Variants in CASZ1 observed in about 807,000 individuals in gnomAD.
The protein encoded by CASZ1 is zinc finger protein castor homolog 1.
CASZ1 carries 28 observed loss-of-function variants against 135.2 expected under a neutral mutation model. The ratio of observed to expected loss-of-function variants is 0.21; its 90% CI spans 0.15 to 0.28. The LOEUF is 0.28. Among genes scored for constraint, CASZ1 ranks in the 10% least tolerant of loss-of-function variants. The pLI is 1.00. For missense variants in CASZ1, 2,161 were observed against 2,453.3 expected, an observed-to-expected ratio of 0.88 and a Z score of 2.52; for synonymous variants, 1,068 against 1,073.4, an observed-to-expected ratio of 0.99 and a Z score of 0.10.
chr1:10,758,025 C>G (rs924728188), intron 2 of CASZ1, among the ~76,000 whole-genome samples: 7 of 152,192 alleles, frequency 4.6e-5, no homozygotes, highest in Non-Finnish European at 8.8e-5. Context: ...GCTAGCTGTT[C>G]TTTCTTTCTA....
chr1:10,770,867 C>A (rs908612694), intron 1 of CASZ1, among the ~76,000 whole-genome samples: 1 of 152,222 alleles, frequency 6.6e-6, no homozygotes, highest in African/African-American at 2.4e-5. Context: ...CCACTCCCTT[C>A]CAGAAGAGCC....
At chr1:10,775,495 C>T (rs1004743998) in intron 1 of CASZ1, among the ~76,000 whole-genome samples, 3 of 152,094 alleles carry the variant, frequency 2.0e-5, no homozygotes, top group Non-Finnish European at 4.4e-5. Context: ...CTCCAGGATG[C>T]CTGGGTTGGA....
intron 7 of CASZ1, 23 bp downstream of exon 7, chr1:10,658,485 C>T (rs1303647829): frequency 1.9e-6 from 3 of 1,599,874 alleles, no homozygotes; most frequent in African/African-American, 2.7e-5. Flanking sequence ...CTCTCCACGG[C>T]AGGCTCCTCC....
At chr1:10,671,546 A>C (rs571083296) in intron 4 of CASZ1, among the ~76,000 whole-genome samples, 21 of 152,248 alleles carry the variant, frequency 1.4e-4, no homozygotes, top group African/African-American at 3.8e-4. Flanking sequence ...GCTCCGGGCA[A>C]GTGTCTCTGG....
intron 1 of CASZ1, among the ~76,000 whole-genome samples, chr1:10,773,641 A>G (rs903520542): frequency 3.9e-5 from 6 of 151,968 alleles, no homozygotes; most frequent in Non-Finnish European, 8.8e-5. Context: ...TGGCCGGGGG[A>G]ACGCATGGAC....
chr1:10,738,486 G>A (rs770467224), intron 2 of CASZ1, among the ~76,000 whole-genome samples: 80 of 152,366 alleles, frequency 5.3e-4, no homozygotes, highest in South Asian at 1.0e-3. Flanking sequence ...GCTGGCTGTG[G>A]ACACAGGCTC....
Position 10,639,123 on chromosome 1 carries a change from T to C in CASZ1, c.5099A>G (p.Asp1700Gly). 8.7e-7 allele frequency: 1 copy of C among 1,153,590 alleles called. No homozygotes were observed. The allele number at this position is 1,153,590 out of a possible 1,614,324, so 71.5% of individuals were successfully genotyped here. Reference protein sequence around the residue: ...EDDEDEDDDEDDDDEDDDEDD... With the variant: ...EDDEDEDDDEGDDDEDDDEDD... ...CTCGTCGTCGTCCTCGTCGTCGTCG[T>C]CCTCGTCGTCGTCCTCGTCCTCGTC... Residue 1700 changes from aspartate (D) to glycine (G), a missense_variant, in exon 21 of 21, where the codon GAC becomes GGC. Physicochemically the swap from Asp to Gly is moderately conservative, Grantham distance 94. Coordinates refer to ENST00000377022, the MANE Select transcript of CASZ1 (RefSeq NM_001079843.3). The surrounding 1 kb of genome is among the most constrained non-coding windows in gnomAD (Gnocchi z 4.0).
In CASZ1 at chr1:10,646,631, G is replaced by A. The variant is rs555258885; in HGVS notation, c.3498-305C>T. Among the ~76,000 whole-genome samples, 50 of 152,358 alleles carry A rather than the reference G, an allele frequency of 3.3e-4. No individual in the cohort carries two copies. The highest frequency in any genetic ancestry group is 3.4e-3 in the Middle Eastern group (1 of 294). On this transcript the variant is annotated intron_variant, in intron 16 of 20. Transcript: ENST00000377022. This position sits in a 1 kb window ranked among gnomAD's most constrained non-coding sequence, Gnocchi z 6.4. ...ACACCTCAGGATTATAGATAAGGAT[G>A]GCTGTAATAACTTCTTGGATCGGAA...
intron 2 of CASZ1, among the ~76,000 whole-genome samples, chr1:10,753,286 T>A (rs889992941): frequency 1.3e-5 from 2 of 151,196 alleles, no homozygotes; most frequent in Admixed American, 6.6e-5. Flanking sequence ...TGAGGGGGAG[T>A]GGAGGTCCCT....
intron 1 of CASZ1, among the ~76,000 whole-genome samples, chr1:10,782,457 C>T (rs1466141233): frequency 6.6e-6 from 1 of 152,216 alleles, no homozygotes; most frequent in Non-Finnish European, 1.5e-5. Context: ...TCTCTAAGAG[C>T]AGGTTGGACA....
chr1:10,674,424 T>G (rs868679355), intron 4 of CASZ1, among the ~76,000 whole-genome samples: 1 of 152,254 alleles, frequency 6.6e-6, no homozygotes. Context: ...CCGGCACCGC[T>G]GCTGCGGGAG....
chr1:10,734,940 G>A (rs527978372), intron 2 of CASZ1, among the ~76,000 whole-genome samples: 1 of 152,182 alleles, frequency 6.6e-6, no homozygotes, highest in East Asian at 1.9e-4. Flanking sequence ...GAGAAGTGGG[G>A]GGCCACAAGG....
intron 1 of CASZ1, among the ~76,000 whole-genome samples, chr1:10,779,394 G>A (rs1444253259): frequency 1.3e-5 from 2 of 149,430 alleles, no homozygotes; most frequent in Non-Finnish European, 2.9e-5. Flanking sequence ...TCAGCTTCTC[G>A]AGATCTCATA....
intron 4 of CASZ1, among the ~76,000 whole-genome samples, chr1:10,677,231 C>T (rs1410910107): frequency 2.0e-5 from 3 of 152,160 alleles, no homozygotes; most frequent in Non-Finnish European, 2.9e-5. Flanking sequence ...CACTCCCTCG[C>T]TGCTGGAGGA....
At chr1:10,718,073 G>C (rs1204304133) in intron 2 of CASZ1, among the ~76,000 whole-genome samples, 5 of 152,352 alleles carry the variant, frequency 3.3e-5, no homozygotes, top group East Asian at 1.9e-4. Context: ...CCATTTGACA[G>C]ATGAGGAAAC....
rs897060761 is a variant in CASZ1, at chr1:10,650,954, C to T, written c.2803G>A (p.Val935Met). Residue 935 changes from valine (V) to methionine (M), a missense_variant, in exon 12 of 21, where the codon GTG (valine) becomes ATG (methionine). Transcript: ENST00000377022. ...ASQDRSLDLT[V>M]KEPSNESNGH... is the part of the protein sequence containing the mutation. The stretch of plus-strand genomic sequence containing the variant: ...GCCTCGCCTCACCTGGGCTCCTTCA[C>T]AGTCAGGTCTAGACTGCGGTCCTGG... 2.5e-6 allele frequency: 4 copies of T among 1,603,536 alleles called. No individual in the cohort carries two copies. The highest frequency in any genetic ancestry group is 1.1e-5 in the South Asian group (1 of 89,596).
Position 10,650,929 on chromosome 1 carries a change from G to T in CASZ1, c.2816+12C>A. The T allele has an allele frequency of 6.2e-7, 1 of 1,606,442 alleles. No individual in the cohort carries two copies. The highest frequency in any genetic ancestry group is 1.1e-5 in the South Asian group (1 of 90,158). On this transcript the variant is annotated intron_variant, in intron 12 of 20. Transcript: ENST00000377022. ...TTCCCGGGGCTGGCTCCCATAGGGG[G>T]CCTCGCCTCACCTGGGCTCCTTCAC...
chr1:10,693,647 A>G (rs1053174083), intron 4 of CASZ1, among the ~76,000 whole-genome samples: 2 of 152,064 alleles, frequency 1.3e-5, no homozygotes, highest in African/African-American at 4.8e-5. Flanking sequence ...GTTCTTTCAT[A>G]ATGACAAGCA....
chr1:10,664,639 G>A (rs1356886304), intron 5 of CASZ1, among the ~76,000 whole-genome samples: 3 of 152,040 alleles, frequency 2.0e-5, no homozygotes, highest in South Asian at 4.2e-4. Context: ...GTAAGTAGCA[G>A]AATGTGCAGA....
Sources: allele counts gnomAD v4.1 joint callset (sites outside exome capture counted in the v4.1 genomes callset), GRCh38; gene constraint gnomAD v4.1.1; non-coding constraint Gnocchi (gnomAD v3.1); transcripts MANE v1.5; gene names NCBI Gene and HGNC (gene_info 2026-07-23, HGNC 2026-07-21).